LCORL: variants seen among roughly 807,000 people sequenced by gnomAD.
LCORL encodes the protein ligand dependent nuclear receptor corepressor like.
A neutral mutation model predicts 141.8 loss-of-function variants in LCORL; 41 were observed. The observed-to-expected ratio is 0.29, with a 90% CI of 0.23 to 0.38. The LOEUF is 0.38. Ranked by LOEUF, LCORL falls within the 10% of genes least tolerant of loss-of-function variation. The pLI, the probability that LCORL is intolerant of heterozygous loss-of-function variation, is 1.00. For synonymous variants in LCORL, 618 were observed against 694.1 expected, an observed-to-expected ratio of 0.89 and a Z score of 1.72; for missense variants, 1,759 against 2,035.0, an observed-to-expected ratio of 0.86 and a Z score of 2.61.
Position 17,940,131 on chromosome 4 carries a change from T to C in LCORL, c.430+21772A>G, listed in dbSNP as rs968531742. ...ATATGTGTGTGTATATATATATGTA[T>C]ATGTGTATATATATGTATATATGTA... On this transcript the variant is annotated intron_variant, in intron 4 of 7. Transcript: ENST00000635767. 5.6e-5 allele frequency among the ~76,000 whole-genome samples: 8 copies of C among 142,114 alleles called. No individual in the cohort carries two copies. In the Admixed American group the frequency reaches 5.9e-4, roughly 10 times the overall value. The allele number at this position is 142,114 out of a possible 152,430, so 93.2% of individuals were successfully genotyped here.
chr4:17,919,740 C>G (rs1167357200), intron 4 of LCORL, among the ~76,000 whole-genome samples: 1 of 152,174 alleles, frequency 6.6e-6, no homozygotes, highest in African/African-American at 2.4e-5. Flanking sequence ...TGTGTTAGGT[C>G]TCAGGAGCAG....
At chr4:17,908,401 C>G (rs539038508) in intron 5 of LCORL, among the ~76,000 whole-genome samples, 1 of 152,302 alleles carries the variant, frequency 6.6e-6, no homozygotes, top group South Asian at 2.1e-4. Flanking sequence ...TTAATGATGA[C>G]TTTTTTCTTA....
At chr4:17,979,561 TA>T (rs1179839577) in intron 1 of LCORL, among the ~76,000 whole-genome samples, 7 of 152,248 alleles carry the variant, frequency 4.6e-5, no homozygotes, top group African/African-American at 1.2e-4. Context: ...AAATCAGTGT[TA>T]AAAAATTAAA....
chr4:17,875,017 C>T, exon 7 of LCORL: 2 of 1,233,596 alleles, frequency 1.6e-6, no homozygotes, highest in Non-Finnish European at 2.0e-6. Flanking sequence ...CTCAAAGGTA[C>T]AGTAGCAATC....
In LCORL at chr4:17,929,573, A is replaced by G. The variant is rs1210409968; in HGVS notation, c.431-20228T>C. Among the ~76,000 whole-genome samples the G allele has an allele frequency of 2.0e-5, 3 of 152,328 alleles. No homozygotes were observed. The East Asian group carries it at 5.8e-4, about 29-fold the overall frequency. On this transcript the variant is annotated intron_variant, in intron 4 of 7. Transcript: ENST00000635767. ...ATGACTGGATATTTCAATGCAAAAT[A>G]TGAAGCTGGGCCTCTACCCCACACT...
intron 5 of LCORL, 61 bp downstream of exon 5, chr4:17,909,033 A>C (rs1201018757): frequency 1.1e-5 from 15 of 1,393,742 alleles, no homozygotes; most frequent in Non-Finnish European, 1.3e-5. Flanking sequence ...AAAAGTTATA[A>C]ATATACATTT....
rs1231304472 is a variant in LCORL, at chr4:17,851,195, G to A, written c.5603-5294C>T. Among the ~76,000 whole-genome samples, 6 of 150,890 alleles carry A rather than the reference G, an allele frequency of 4.0e-5. 1 individual carries two copies. In the South Asian group the frequency reaches 6.3e-4, roughly 16 times the overall value. On this transcript the variant is annotated intron_variant, in intron 7 of 7. Coordinates refer to ENST00000635767, the Ensembl canonical transcript of LCORL. ...CTAATGCTAAATGACGAGTTAATGG[G>A]TGCAGCACACCAGCATGGCACATGT...
intron 4 of LCORL, among the ~76,000 whole-genome samples, chr4:17,936,508 A>G (rs887638200): frequency 5.9e-5 from 9 of 152,184 alleles, no homozygotes; most frequent in Admixed American, 2.0e-4. Context: ...CTCACCAACA[A>G]AAACAATAAA....
At chr4:17,999,403 G>C (rs1360352680) in intron 1 of LCORL, among the ~76,000 whole-genome samples, 1 of 150,640 alleles carries the variant, frequency 6.6e-6, no homozygotes, top group Non-Finnish European at 1.5e-5. Flanking sequence ...GCAGTGAGCC[G>C]AGACTGCGCC....
At chr4:17,919,614 T>C (rs1273723936) in intron 4 of LCORL, among the ~76,000 whole-genome samples, 1 of 152,226 alleles carries the variant, frequency 6.6e-6, no homozygotes, top group Non-Finnish European at 1.5e-5. Flanking sequence ...TAGCACTATG[T>C]CTAAAGAAGT....
chr4:17,857,947 C>A lies in LCORL; in HGVS notation c.5603-12046G>T, dbSNP rs372094649. On this transcript the variant is annotated intron_variant, in intron 7 of 7. Coordinates refer to ENST00000635767, the Ensembl canonical transcript of LCORL. ...CCAGCTCACAATAATATAAAATTCA[C>A]AATGTCTGGCATCCCACTGAAAATT... Among the ~76,000 whole-genome samples, 24 of 152,278 alleles carry A rather than the reference C, an allele frequency of 1.6e-4. No individual in the cohort carries two copies. The South Asian group carries it at 3.5e-3, about 22-fold the overall frequency.
intron 4 of LCORL, among the ~76,000 whole-genome samples, chr4:17,915,808 A>C (rs1372813678): frequency 1.3e-5 from 2 of 152,236 alleles, no homozygotes; most frequent in Non-Finnish European, 2.9e-5. Context: ...AGTTAATTAA[A>C]GTGCAAAAAG....
intron 1 of LCORL, among the ~76,000 whole-genome samples, chr4:17,981,837 C>A (rs1313230440): frequency 2.0e-5 from 3 of 152,088 alleles, no homozygotes; most frequent in Non-Finnish European, 4.4e-5. Flanking sequence ...TAGACTATTT[C>A]ATCACCTGGG....
intron 1 of LCORL, among the ~76,000 whole-genome samples, chr4:18,000,941 G>A (rs1466648438): frequency 1.3e-5 from 2 of 152,166 alleles, no homozygotes; most frequent in Non-Finnish European, 2.9e-5. Context: ...AGTAGCAATG[G>A]AGCAGCAGCT....
intron 5 of LCORL, among the ~76,000 whole-genome samples, chr4:17,893,880 C>T (rs1469280475): frequency 1.3e-5 from 2 of 152,130 alleles, no homozygotes; most frequent in Non-Finnish European, 2.9e-5. Flanking sequence ...CTCACTGCAA[C>T]CTCTGCCTCC....
chr4:17,890,248 G>A (rs183900153), intron 5 of LCORL, among the ~76,000 whole-genome samples: 15 of 152,116 alleles, frequency 9.9e-5, no homozygotes, highest in Admixed American at 4.6e-4. Context: ...ATAACACTTG[G>A]TGTTGCTGTG....
exon 7 of LCORL, chr4:17,874,186 A>T (rs1324410735): frequency 8.1e-7 from 1 of 1,233,774 alleles, no homozygotes; most frequent in African/African-American, 1.6e-5. Context: ...TCATGATGCA[A>T]CCTCTTAAAC....
chr4:17,958,120 G>A (rs1713046079), intron 4 of LCORL, among the ~76,000 whole-genome samples: 1 of 151,816 alleles, frequency 6.6e-6, no homozygotes, highest in Admixed American at 6.6e-5. Flanking sequence ...AAAAGGCACG[G>A]GAAAATAAAA....
chr4:17,911,955 C>A, intron 4 of LCORL: 1 of 596,194 alleles, frequency 1.7e-6, no homozygotes. Flanking sequence ...CCATGCAAAG[C>A]CTGAATGACT....
Sources: allele counts gnomAD v4.1 joint callset (sites outside exome capture counted in the v4.1 genomes callset), GRCh38; gene constraint gnomAD v4.1.1; transcripts MANE v1.5; gene names NCBI Gene and HGNC (gene_info 2026-07-23, HGNC 2026-07-21).